The following IRS1 variants were observed in gnomAD, a reference collection of about 807,000 sequenced individuals.
IRS1 encodes insulin receptor substrate 1.
IRS1 carries 34 observed loss-of-function variants against 65.6 expected under a neutral mutation model. That is an observed-to-expected ratio of 0.52 (90% confidence interval 0.39 to 0.69). The LOEUF is 0.69. IRS1 is among the 30% of genes least tolerant of loss of function. The pLI, the probability that IRS1 is intolerant of heterozygous loss-of-function variation, is 0.00. For missense variants in IRS1, 1,641 were observed against 1,720.2 expected (o/e 0.95, Z 0.81); for synonymous variants, 699 against 683.5 (o/e 1.02, Z -0.35).
At chr2:226,741,824 C>CACAT (rs1309382083) in intron 1 of IRS1, among the ~76,000 whole-genome samples, 1 of 131,634 alleles carries the variant, frequency 7.6e-6, no homozygotes, top group Admixed American at 8.5e-5. Flanking sequence ...CACACACACA[C>CACAT]ACATAACACA....
rs1303446971 is a variant in IRS1, at chr2:226,795,059, C to T, written c.3680G>A (p.Ser1227Asn). ...SSTRRSSEDL[S>N]AYASISFQKQ... ...CTGGAAACTGATGCTGGCATAGGCG[C>T]TTAAATCCTCACTTGAGCGGCGGGT... The change falls in exon 1 of 2, where the codon AGC (serine) becomes AAC (asparagine). Residue 1227 changes from serine to asparagine, a missense_variant. Physicochemically the swap from Ser to Asn is conservative, Grantham distance 46. Transcript: ENST00000305123. 3 of 1,597,210 alleles carry T rather than the reference C, an allele frequency of 1.9e-6. No homozygotes were observed. The highest frequency in any genetic ancestry group is 3.3e-4 in the Middle Eastern group (2 of 6,004).
chr2:226,774,432 G>A (rs986313388), intron 1 of IRS1, among the ~76,000 whole-genome samples: 3 of 152,056 alleles, frequency 2.0e-5, no homozygotes, highest in Non-Finnish European at 4.4e-5. Flanking sequence ...TGGGGAAATC[G>A]GGAAGCAAAT....
rs1371007705 is a variant in IRS1, at chr2:226,795,170, T to C, written c.3569A>G (p.Gln1190Arg). 1.2e-6 allele frequency: 2 copies of C among 1,613,784 alleles called. No individual in the cohort carries two copies. Among genetic ancestry groups the C allele is most frequent in the East Asian group, 2.2e-5 (1 of 44,878 alleles). The change falls in exon 1 of 2, where the codon CAG becomes CGG. Residue 1190 changes from glutamine (Q) to arginine (R), a missense_variant. Physicochemically the swap from Gln to Arg is conservative, Grantham distance 43 (BLOSUM62 1). This residue lies in a region of IRS1 where 1,324 missense variants were observed against 1,361.0 expected (regional missense o/e 0.97). Coordinates refer to ENST00000305123, the MANE Select transcript of IRS1 (RefSeq NM_005544.3). ...TTCAGGGGTGCACTCCTGAGGGCACTGTTTGAAGTCCTTGACCAAATCCAG... is the reference window on the plus strand; with the variant it reads ...TTCAGGGGTGCACTCCTGAGGGCACCGTTTGAAGTCCTTGACCAAATCCAG... ...IDLDLVKDFK[Q>R]CPQECTPEPQ...
intron 1 of IRS1, among the ~76,000 whole-genome samples, chr2:226,773,399 C>A (rs1184520964): frequency 1.3e-5 from 2 of 152,028 alleles, no homozygotes. Flanking sequence ...AAATATTACA[C>A]ATGAAACTCT....
At position 226,799,354 on chromosome 2, in the gene IRS1, G is replaced by A; in HGVS notation, c.-616C>T. 1 of 1,256,372 alleles carries A rather than the reference G, an allele frequency of 8.0e-7. No homozygotes were observed. The highest frequency in any genetic ancestry group is 1.0e-6 in the Non-Finnish European group (1 of 968,360). The allele number at this position is 1,256,372 out of a possible 1,614,324, so 77.8% of individuals were successfully genotyped here. ...TCAGTCGCAGAGACCGCGGCGCTGC[G>A]GCTGTTGCTGTTGCTGCTGCTGCTG... is the stretch of plus-strand genomic sequence containing the variant. On this transcript the variant is annotated 5_prime_UTR_variant, in exon 1 of 2. Transcript: ENST00000305123. This position sits in a 1 kb window ranked among gnomAD's most constrained non-coding sequence, Gnocchi z 6.1.
At position 226,795,347 on chromosome 2, in the gene IRS1, C is replaced by T; in HGVS notation, c.3392G>A (p.Ser1131Asn). 6.2e-7 allele frequency: 1 copy of T among 1,613,188 alleles called. No homozygotes were observed. The highest frequency in any genetic ancestry group is 1.7e-5 in the Admixed American group (1 of 60,038). The change falls in exon 1 of 2, where the codon AGC (serine) becomes AAC (asparagine). Residue 1131 changes from serine (S) to asparagine (N), a missense_variant. Ser to Asn is a conservative substitution (Grantham distance 46). Transcript: ENST00000305123. ...AGAAVGGGGG[S>N]SSSSEDVKRH... ...TTTCACATCCTCGCTGCTGCTGCTG[C>T]TACCGCCACCGCCCCCTACTGCTGC...
chr2:226,761,501 T>A (rs1938913945), intron 1 of IRS1, among the ~76,000 whole-genome samples: 1 of 152,188 alleles, frequency 6.6e-6, no homozygotes, highest in Admixed American at 6.5e-5. Context: ...TCTCTGATAC[T>A]TTCCTACTTT....
At position 226,797,327 on chromosome 2, in the gene IRS1, T is replaced by A. The variant is rs763246616; in HGVS notation, c.1412A>T (p.Lys471Met). 9.3e-6 allele frequency: 15 copies of A among 1,613,178 alleles called. No individual in the cohort carries two copies. The Admixed American group carries it at 2.5e-4, about 27-fold the overall frequency. ...ELSNYICMGGKGPSTLTAPNG... is the reference protein window; with the variant it reads ...ELSNYICMGGMGPSTLTAPNG... The stretch of plus-strand genomic sequence containing the variant: ...GGGGGCGGTCAGGGTGGAGGGCCCC[T>A]TGCCACCCATGCAGATATAGTTGCT... Residue 471 changes from lysine (K) to methionine (M), a missense_variant, in exon 1 of 2, where the codon AAG becomes ATG. Lys to Met is a moderately conservative substitution (Grantham distance 95). Transcript: ENST00000305123. The surrounding 1 kb of genome is among the most constrained non-coding windows in gnomAD (Gnocchi z 8.1).
At chr2:226,781,522 T>C (rs1445308315) in intron 1 of IRS1, among the ~76,000 whole-genome samples, 2 of 152,158 alleles carry the variant, frequency 1.3e-5, no homozygotes, top group Non-Finnish European at 1.5e-5. Context: ...TGGGTTTTTG[T>C]TGTGTACTTG....
chr2:226,783,136 A>AT (rs1260083746), intron 1 of IRS1, among the ~76,000 whole-genome samples: 1 of 152,178 alleles, frequency 6.6e-6, no homozygotes, highest in African/African-American at 2.4e-5. Flanking sequence ...CTCAATAGTC[A>AT]TTTTTCAATG....
At chr2:226,738,317 C>T (rs1017066124) in intron 1 of IRS1, among the ~76,000 whole-genome samples, 1 of 152,140 alleles carries the variant, frequency 6.6e-6, no homozygotes, top group Non-Finnish European at 1.5e-5. Flanking sequence ...TATCTTTTTC[C>T]CTCTGTCTCC....
intron 1 of IRS1, among the ~76,000 whole-genome samples, chr2:226,779,642 T>C (rs1939343682): frequency 6.6e-6 from 1 of 152,248 alleles, no homozygotes; most frequent in Admixed American, 6.5e-5. Context: ...TGTGGAGTTG[T>C]GGGTTTCATA....
At position 226,797,034 on chromosome 2, in the gene IRS1, G is replaced by A; in HGVS notation, c.1705C>T (p.Pro569Ser). 6.2e-7 allele frequency: 1 copy of A among 1,607,352 alleles called. No homozygotes were observed. The highest frequency in any genetic ancestry group is 8.5e-7 in the Non-Finnish European group (1 of 1,175,486). Residue 569 changes from proline to serine, a missense_variant, in exon 1 of 2, where the codon CCG becomes TCG. Physicochemically the swap from Pro to Ser is moderately conservative, Grantham distance 74. Coordinates refer to ENST00000305123, the MANE Select transcript of IRS1 (RefSeq NM_005544.3). The surrounding 1 kb of genome is among the most constrained non-coding windows in gnomAD (Gnocchi z 8.1). Reference protein sequence around the residue: ...PPGGGSGGRLPGHRHSAFVPT... With the variant: ...PPGGGSGGRLSGHRHSAFVPT... ...ACGAAGGCGGAGTGCCTGTGTCCCG[G>A]CAGTCGGCCTCCACTGCCACCTCCT...
At chr2:226,776,708 G>A (rs1261632674) in intron 1 of IRS1, among the ~76,000 whole-genome samples, 1 of 152,064 alleles carries the variant, frequency 6.6e-6, no homozygotes, top group Non-Finnish European at 1.5e-5. Context: ...GGAGTTCATG[G>A]CCAGTCTGGC....
At chr2:226,756,955 C>T (rs935390342) in intron 1 of IRS1, among the ~76,000 whole-genome samples, 12 of 142,072 alleles carry the variant, frequency 8.4e-5, no homozygotes, top group African/African-American at 2.6e-4. Flanking sequence ...AGTGAGACTC[C>T]GTCTAATAAA....
At chr2:226,759,955 G>A (rs1432878804) in intron 1 of IRS1, among the ~76,000 whole-genome samples, 1 of 152,144 alleles carries the variant, frequency 6.6e-6, no homozygotes, top group Admixed American at 6.5e-5. Flanking sequence ...CAGGCAGATC[G>A]CTTGAGCTCA....
intron 1 of IRS1, among the ~76,000 whole-genome samples, chr2:226,749,467 A>G (rs1164885916): frequency 6.6e-6 from 1 of 151,974 alleles, no homozygotes; most frequent in South Asian, 2.1e-4. Context: ...CTTCCCAGGG[A>G]CTCTTGAGCA....
At chr2:226,775,503 G>A (rs1184115576) in intron 1 of IRS1, among the ~76,000 whole-genome samples, 1 of 152,196 alleles carries the variant, frequency 6.6e-6, no homozygotes, top group East Asian at 1.9e-4. Context: ...CTCATGCTTG[G>A]CTTAGTACAG....
rs898872106 is a variant in IRS1, at chr2:226,794,344, C to T, written c.*21+645G>A. ...GTACATGAACAAAAGGAGAACGTCA[C>T]CCATAATTACTTTCTTGAGAGATCA... On this transcript the variant is annotated intron_variant, in intron 1 of 1. Transcript: ENST00000305123. The surrounding 1 kb of genome is among the most constrained non-coding windows in gnomAD (Gnocchi z 4.1). 6.6e-6 allele frequency among the ~76,000 whole-genome samples: 1 copy of T among 152,148 alleles called. No individual in the cohort carries two copies. Among genetic ancestry groups the T allele is most frequent in the African/African-American group, 2.4e-5 (1 of 41,434 alleles).
Sources: allele counts gnomAD v4.1 joint callset (sites outside exome capture counted in the v4.1 genomes callset), GRCh38; gene constraint gnomAD v4.1.1; regional missense constraint gnomAD v4.1.1; non-coding constraint Gnocchi (gnomAD v3.1); transcripts MANE v1.5; gene names NCBI Gene and HGNC (gene_info 2026-07-23, HGNC 2026-07-21).